PRPF39: variants seen among roughly 807,000 people sequenced by gnomAD.
PRPF39 encodes pre-mRNA-processing factor 39.
In PRPF39, 27 loss-of-function variants were observed where a neutral mutation model predicts 82.1. The ratio of observed to expected loss-of-function variants is 0.33; its 90% CI spans 0.24 to 0.45. The LOEUF is 0.45. Ranked by LOEUF, PRPF39 falls within the 20% of genes least tolerant of loss-of-function variation. PRPF39 has a pLI of 1.00. For synonymous variants in PRPF39, 261 were observed against 256.4 expected, an observed-to-expected ratio of 1.02 and a Z score of -0.17; for missense variants, 581 against 796.9, an observed-to-expected ratio of 0.73 and a Z score of 3.26.
chr14:45,105,192 C>T (rs983217854), intron 5 of PRPF39, among the ~76,000 whole-genome samples: 1 of 152,110 alleles, frequency 6.6e-6, no homozygotes, highest in Non-Finnish European at 1.5e-5. Flanking sequence ...TGAAAAAATA[C>T]TGCTTAATAT....
intron 4 of PRPF39, among the ~76,000 whole-genome samples, chr14:45,100,395 T>C (rs1212057438): frequency 6.6e-6 from 1 of 152,194 alleles, no homozygotes; most frequent in Non-Finnish European, 1.5e-5. Flanking sequence ...TAACCTTATA[T>C]CTTATTCCTG....
At position 45,108,397 on chromosome 14, in the gene PRPF39, T is replaced by C; in HGVS notation, c.904-18T>C. The C allele has an allele frequency of 6.4e-7, 1 of 1,562,906 alleles. No homozygotes were observed. On this transcript the variant is annotated intron_variant, in intron 6 of 13. Transcript: ENST00000355765. ...ATACAGTTTGTGAGATTTATTTTTT[T>C]CCCTTTTTCTTCCCAAGCTAATTAC... is the stretch of plus-strand genomic sequence containing the variant.
intron 1 of PRPF39, among the ~76,000 whole-genome samples, chr14:45,090,494 C>G (rs764607159): frequency 3.9e-5 from 6 of 152,118 alleles, no homozygotes; most frequent in Non-Finnish European, 8.8e-5. Flanking sequence ...CTGTGTCTCT[C>G]TTATCTTTTC....
In PRPF39 at chr14:45,114,940, G is replaced by A; in HGVS notation, c.*27G>A. Reference sequence around the variant, plus strand: ...GGGAAAAATGTAAATTTCAAATGCAGTGTGTGAAAAGTATGAAATTATTAT... The same window carrying A: ...GGGAAAAATGTAAATTTCAAATGCAATGTGTGAAAAGTATGAAATTATTAT... On this transcript the variant is annotated 3_prime_UTR_variant, in exon 14 of 14. Coordinates refer to ENST00000355765, the MANE Select transcript of PRPF39 (RefSeq NM_017922.4). 2.0e-6 allele frequency: 3 copies of A among 1,534,380 alleles called. No individual in the cohort carries two copies. The highest frequency in any genetic ancestry group is 2.7e-6 in the Non-Finnish European group (3 of 1,108,508).
chr14:45,111,631 CTTTTTTTTTTTTTT>C (rs58863567), intron 10 of PRPF39, among the ~76,000 whole-genome samples: 8 of 58,800 alleles, frequency 1.4e-4, no homozygotes, highest in South Asian at 5.6e-4. Flanking sequence ...TGCACCTGGG[CTTTTTTTTTTTTTT>C]TTTTTTTTTT....
rs943962495 is a variant in PRPF39, at chr14:45,114,176, C to G, written c.1758-7C>G. On this transcript the variant is annotated splice_polypyrimidine_tract_variant and splice_region_variant and intron_variant, in intron 11 of 13. Coordinates refer to ENST00000355765, the MANE Select transcript of PRPF39 (RefSeq NM_017922.4). ...ATTCCAGAGGATATTTTTTTCTTTC[C>G]TTTCAGGCTTCTGAATGCTTATGAT... 1 of 1,556,102 alleles carries G rather than the reference C, an allele frequency of 6.4e-7. No homozygotes were observed. The highest frequency in any genetic ancestry group is 1.9e-5 in the Admixed American group (1 of 52,804).
chr14:45,090,224 A>T (rs1883976507), intron 1 of PRPF39, among the ~76,000 whole-genome samples: 1 of 152,244 alleles, frequency 6.6e-6, no homozygotes, highest in South Asian at 2.1e-4. Context: ...AGAACAAAAT[A>T]AATTTACAAG....
rs148299116 is a variant in PRPF39, at chr14:45,094,336, C to A, written c.-19-885C>A. Among the ~76,000 whole-genome samples, 583 of 152,128 alleles carry A rather than the reference C, an allele frequency of 3.8e-3. 2 individuals carry two copies. The highest frequency in any genetic ancestry group is 6.8e-3 in the Middle Eastern group (2 of 292). ...GGGGTAATTGCTTATTACCTTATAGCCTTAAAAATTAGATGACATAATTTT... is the reference window on the plus strand; with the variant it reads ...GGGGTAATTGCTTATTACCTTATAGACTTAAAAATTAGATGACATAATTTT... On this transcript the variant is annotated intron_variant, in intron 1 of 13. Coordinates refer to ENST00000355765, the MANE Select transcript of PRPF39 (RefSeq NM_017922.4).
rs1053461729 is a variant in PRPF39, at chr14:45,110,583, A to C, written c.1338A>C (p.Thr446=). 6.4e-7 allele frequency: 1 copy of C among 1,565,922 alleles called. No individual in the cohort carries two copies. Among genetic ancestry groups the C allele is most frequent in the African/African-American group, 1.4e-5 (1 of 73,838 alleles). ...ATGAAGCCAGGAATATCTTGAAAACATTTGAAGAATGTGTTCTAGGATTGG... is the reference window on the plus strand; with the variant it reads ...ATGAAGCCAGGAATATCTTGAAAACCTTTGAAGAATGTGTTCTAGGATTGG... ...NINEARNILK[T]FEECVLGLAM... Residue 446 remains threonine (T), a synonymous_variant, in exon 10 of 14, where the codon ACA becomes ACC. Transcript: ENST00000355765. This position sits in a 1 kb window ranked among gnomAD's most constrained non-coding sequence, Gnocchi z 4.0.
chr14:45,110,328 T>C lies in PRPF39; in HGVS notation c.1303+108T>C, dbSNP rs918433447. On this transcript the variant is annotated intron_variant, in intron 9 of 13. Transcript: ENST00000355765. The surrounding 1 kb of genome is among the most constrained non-coding windows in gnomAD (Gnocchi z 4.0). Reference sequence around the variant, plus strand: ...GTGTAAAGCAGAGTTTGGCAAACTTTTTCTCTAAAGGGCCAGATAGTAAAA... The same window carrying C: ...GTGTAAAGCAGAGTTTGGCAAACTTCTTCTCTAAAGGGCCAGATAGTAAAA... 6.9e-7 allele frequency: 1 copy of C among 1,451,344 alleles called. No individual in the cohort carries two copies. Among genetic ancestry groups the C allele is most frequent in the African/African-American group, 1.4e-5 (1 of 70,336 alleles). 89.9% of individuals were successfully genotyped at this position (1,451,344 alleles called of 1,614,324 possible).
At chr14:45,087,830 G>T (rs1033993340) in intron 1 of PRPF39, among the ~76,000 whole-genome samples, 1 of 145,356 alleles carries the variant, frequency 6.9e-6, no homozygotes, top group Non-Finnish European at 1.5e-5. Flanking sequence ...CTCATGATCC[G>T]CCCGCCTCAG....
At chr14:45,092,940 C>T (rs73349853) in intron 1 of PRPF39, among the ~76,000 whole-genome samples, 14,979 of 151,976 alleles carry the variant, frequency 0.099, 974 homozygotes, top group African/African-American at 0.18. Flanking sequence ...CAACTTATAG[C>T]TGGCTTTTTA....
intron 1 of PRPF39, among the ~76,000 whole-genome samples, chr14:45,091,559 A>G (rs1296243512): frequency 2.0e-5 from 3 of 152,240 alleles, no homozygotes; most frequent in African/African-American, 7.2e-5. Flanking sequence ...TGACAAACTT[A>G]TAATAATATT....
At chr14:45,098,162 C>A (rs1448041955) in intron 4 of PRPF39, among the ~76,000 whole-genome samples, 1 of 152,044 alleles carries the variant, frequency 6.6e-6, no homozygotes, top group Non-Finnish European at 1.5e-5. Flanking sequence ...TACCTGTAAT[C>A]CCAGCACTTT....
intron 1 of PRPF39, among the ~76,000 whole-genome samples, chr14:45,093,559 C>CT (rs112983627): frequency 0.17 from 20,453 of 120,142 alleles, 1,595 homozygotes; most frequent in African/African-American, 0.22. Flanking sequence ...TTTTTCTTTT[C>CT]TTTTTTTTTT....
chr14:45,110,271 G>A lies in PRPF39; in HGVS notation c.1303+51G>A, dbSNP rs1884661916. ...ATTTTTGAGATTTTAAGTTATTTCA[G>A]GAAACAGTGACAAATTGAGTGGTAA... On this transcript the variant is annotated intron_variant, in intron 9 of 13. Coordinates refer to ENST00000355765, the MANE Select transcript of PRPF39 (RefSeq NM_017922.4). The surrounding 1 kb of genome is among the most constrained non-coding windows in gnomAD (Gnocchi z 4.0). The A allele has an allele frequency of 6.2e-7, 1 of 1,601,844 alleles. No homozygotes were observed. Among genetic ancestry groups the A allele is most frequent in the Non-Finnish European group, 8.5e-7 (1 of 1,171,332 alleles).
At chr14:45,099,147 C>G (rs938431181) in intron 4 of PRPF39, among the ~76,000 whole-genome samples, 1 of 152,190 alleles carries the variant, frequency 6.6e-6, no homozygotes, top group East Asian at 1.9e-4. Context: ...TAAAAATGAG[C>G]TTTGATGTGG....
At chr14:45,084,482 G>A (rs1248079326) in intron 1 of PRPF39, among the ~76,000 whole-genome samples, 1 of 152,148 alleles carries the variant, frequency 6.6e-6, no homozygotes, top group Non-Finnish European at 1.5e-5. Flanking sequence ...TGAGGGGTGC[G>A]TTAGGTAGGG....
At position 45,102,666 on chromosome 14, in the gene PRPF39, C is replaced by T. The variant is rs1466250397; in HGVS notation, c.707C>T (p.Pro236Leu). 6.2e-7 allele frequency: 1 copy of T among 1,609,478 alleles called. No individual in the cohort carries two copies. ...ATATATGATCGTATTCTTGGTATTC[C>T]AACACAGCTGTATAGTCATCATTTT... ...TAIYDRILGI[P>L]TQLYSHHFQR... is the part of the protein sequence containing the mutation. The change falls in exon 5 of 14, where the codon CCA becomes CTA. Residue 236 changes from proline to leucine, a missense_variant. By Grantham distance (98) the Pro-to-Leu change is moderately conservative. Coordinates refer to ENST00000355765, the MANE Select transcript of PRPF39 (RefSeq NM_017922.4).
Sources: gnomAD v4.1 joint callset for allele counts (sites outside exome capture counted in the v4.1 genomes callset) on GRCh38, gnomAD v4.1.1 for gene constraint, Gnocchi (gnomAD v3.1) non-coding constraint, MANE v1.5 for transcripts, NCBI Gene and HGNC (gene_info 2026-07-23, HGNC 2026-07-21) for gene names.